Variants in LRRC37A observed in about 807,000 individuals in gnomAD.
LRRC37A encodes leucine-rich repeat-containing protein 37A.
LRRC37A carries 3 observed loss-of-function variants against 35.4 expected under a neutral mutation model. The observed-to-expected ratio is 0.08, with a 90% confidence interval of 0.04 to 0.22. LRRC37A has a LOEUF of 0.22. LRRC37A is among the 10% of genes least tolerant of loss of function. The pLI, the probability that LRRC37A is intolerant of heterozygous loss-of-function variation, is 1.00. For missense variants in LRRC37A, 67 were observed against 565.3 expected (o/e 0.12, Z 8.94); for synonymous variants, 23 against 215.0 (o/e 0.11, Z 7.81).
the LRRC37A span, among the ~76,000 whole-genome samples, chr17:46,262,543 TAGTC>T: frequency 2.0e-5 from 3 of 152,228 alleles, no homozygotes; most frequent in African/African-American, 4.8e-5. Flanking sequence ...CAGGAATTAT[TAGTC>T]AGCTTCCTTT....
At chr17:46,265,243 T>TC in the LRRC37A span, among the ~76,000 whole-genome samples, 1 of 150,932 alleles carries the variant, frequency 6.6e-6, no homozygotes, top group African/African-American at 2.4e-5. Context: ...CGGACAAATT[T>TC]CCTTTCTTCT....
chr17:46,281,891 G>A, the LRRC37A span, among the ~76,000 whole-genome samples: 25 of 152,258 alleles, frequency 1.6e-4, no homozygotes, highest in Non-Finnish European at 3.2e-4. Flanking sequence ...TGATCCACCC[G>A]CCTCGGCCTC....
At chr17:46,283,256 A>C in the LRRC37A span, among the ~76,000 whole-genome samples, 2 of 152,262 alleles carry the variant, frequency 1.3e-5, no homozygotes, top group Non-Finnish European at 2.9e-5. Flanking sequence ...TTTTATGGTT[A>C]ATAAAATATA....
the LRRC37A span, among the ~76,000 whole-genome samples, chr17:46,279,780 C>A: frequency 2.6e-5 from 4 of 152,210 alleles, no homozygotes; most frequent in African/African-American, 9.7e-5. Context: ...CAGGCATGAA[C>A]CACCATTCCC....
the LRRC37A span, among the ~76,000 whole-genome samples, chr17:46,279,500 CTT>C: frequency 0.16 from 19,976 of 122,050 alleles, 1,739 homozygotes; most frequent in Middle Eastern, 0.26. Context: ...TTCTTTCTTT[CTT>C]TTTTTTTTTT....
At chr17:46,249,658 C>T in the LRRC37A span, among the ~76,000 whole-genome samples, 64 of 152,236 alleles carry the variant, frequency 4.2e-4, no homozygotes, top group African/African-American at 1.4e-3. Context: ...GAGGGGGCGC[C>T]CACTAAACCA....
the LRRC37A span, among the ~76,000 whole-genome samples, chr17:46,267,893 CTTTTTTTTTTT>C: frequency 0.2 from 17,998 of 90,608 alleles, 118 homozygotes; most frequent in Middle Eastern, 0.26. Flanking sequence ...ACTCCCACAT[CTTTTTTTTTTT>C]TTTTTTTTTT....
the LRRC37A span, among the ~76,000 whole-genome samples, chr17:46,252,710 G>C: frequency 2.6e-5 from 4 of 151,744 alleles, no homozygotes; most frequent in Admixed American, 6.6e-5. Context: ...AGATCAACAG[G>C]ATCCCAAGGC....
chr17:46,276,790 C>CTTTTTTTTTTT, the LRRC37A span, among the ~76,000 whole-genome samples: 2 of 134,316 alleles, frequency 1.5e-5, no homozygotes, highest in Admixed American at 7.7e-5. Context: ...TTCTTTTTTT[C>CTTTTTTTTTTT]TTTTTTTTTT....
the LRRC37A span, among the ~76,000 whole-genome samples, chr17:46,285,366 T>C: frequency 6.6e-6 from 1 of 151,490 alleles, no homozygotes; most frequent in South Asian, 2.1e-4. Flanking sequence ...TCAGCCTCCC[T>C]AGTAGCTGGG....
chr17:46,288,344 T>C (rs1400885235), upstream of LRRC37A, among the ~76,000 whole-genome samples: 3 of 147,556 alleles, frequency 2.0e-5, no homozygotes, highest in Admixed American at 2.0e-4. Flanking sequence ...AGCCTTGCTC[T>C]GTCTCCCAGG....
the LRRC37A span, among the ~76,000 whole-genome samples, chr17:46,269,392 G>T: frequency 4.6e-5 from 7 of 152,178 alleles, no homozygotes; most frequent in African/African-American, 1.7e-4. Flanking sequence ...AAATTAGCCG[G>T]GTGTGGTGGC....
At chr17:46,266,764 T>G in the LRRC37A span, among the ~76,000 whole-genome samples, 5 of 151,904 alleles carry the variant, frequency 3.3e-5, no homozygotes, top group Non-Finnish European at 5.9e-5. Context: ...CGCCCAGGCC[T>G]CAGCCGCCGG....
the LRRC37A span, among the ~76,000 whole-genome samples, chr17:46,256,871 A>T: frequency 1.3e-5 from 2 of 152,120 alleles, no homozygotes; most frequent in South Asian, 4.1e-4. Context: ...TCGAAAGGGG[A>T]TTGGAAGAAG....
chr17:46,250,581 C>T, the LRRC37A span, among the ~76,000 whole-genome samples: 4 of 152,352 alleles, frequency 2.6e-5, no homozygotes, highest in African/African-American at 9.6e-5. Flanking sequence ...ATGCTTCTTA[C>T]CCTCCAACAT....
the LRRC37A span, among the ~76,000 whole-genome samples, chr17:46,279,500 CTTTTTT>C: frequency 1.9e-4 from 23 of 122,428 alleles, no homozygotes; most frequent in Admixed American, 2.6e-4. Flanking sequence ...TTCTTTCTTT[CTTTTTT>C]TTTTTTTTTT....
At chr17:46,321,333 G>C in intron 5 of LRRC37A, among the ~76,000 whole-genome samples, 1 of 87,958 alleles carries the variant, frequency 1.1e-5, no homozygotes, top group Non-Finnish European at 2.0e-5. Flanking sequence ...TCCAGCCTGG[G>C]TGACAGAGTG....
At chr17:46,298,652 A>T in intron 1 of LRRC37A, among the ~76,000 whole-genome samples, 1 of 81,478 alleles carries the variant, frequency 1.2e-5, no homozygotes, top group Non-Finnish European at 2.7e-5. Context: ...TGAACCTGGG[A>T]GGCAGAGCTT....
chr17:46,278,158 C>T, the LRRC37A span, among the ~76,000 whole-genome samples: 1 of 152,154 alleles, frequency 6.6e-6, no homozygotes, highest in Non-Finnish European at 1.5e-5. Context: ...TGTTGGCCAG[C>T]TGGTCTCGAA....
Sources: gnomAD v4.1 joint callset for allele counts (sites outside exome capture counted in the v4.1 genomes callset) on GRCh38, gnomAD v4.1.1 for gene constraint, MANE v1.5 for transcripts, NCBI Gene and HGNC (gene_info 2026-07-23, HGNC 2026-07-21) for gene names.